Variants in INA observed in about 807,000 individuals in gnomAD.
INA encodes the protein alpha-internexin.
INA carries 35 observed loss-of-function variants against 40.1 expected under a neutral mutation model. The observed-to-expected ratio is 0.87, with a 90% CI of 0.67 to 1.16. INA has a LOEUF of 1.16. Ranked by LOEUF, INA falls within the 50% of genes most tolerant of loss-of-function variation. The pLI, the probability that INA is intolerant of heterozygous loss-of-function variation, is 0.00. For synonymous variants in INA, 290 were observed against 316.9 expected, an observed-to-expected ratio of 0.92 and a Z score of 0.90; for missense variants, 594 against 686.7, an observed-to-expected ratio of 0.87 and a Z score of 1.51.
At position 103,287,134 on chromosome 10, in the gene INA, C is replaced by G. The variant is rs767495429; in HGVS notation, c.1165C>G (p.Leu389Val). The G allele has an allele frequency of 1.2e-6, 2 of 1,613,564 alleles. No individual in the cohort carries two copies. The highest frequency in any genetic ancestry group is 2.7e-5 in the African/African-American group (2 of 74,898). The change falls in exon 2 of 3, where the codon CTT becomes GTT. Residue 389 changes from leucine to valine, a missense_variant. Coordinates refer to ENST00000369849, the MANE Select transcript of INA (RefSeq NM_032727.4). ...GGACTTGCTCAATGTCAAAATGGCT[C>G]TTGACATTGAGATAGCAGCTTACAG... ...YQDLLNVKMA[L>V]DIEIAAYRKL...
In INA at chr10:103,288,709, A is replaced by G. The variant is rs560850042; in HGVS notation, c.*40A>G. On this transcript the variant is annotated 3_prime_UTR_variant, in exon 3 of 3. Transcript: ENST00000369849. The stretch of plus-strand genomic sequence containing the variant: ...AAAAGTTAATGCTTAAGAGGGAATG[A>G]TATGCATTTGACTTGTTAAACAGCC... 1.5e-6 allele frequency: 2 copies of G among 1,332,836 alleles called. No homozygotes were observed. The highest frequency in any genetic ancestry group is 2.9e-5 in the South Asian group (2 of 69,950). The allele number at this position is 1,332,836 out of a possible 1,614,324, so 82.6% of individuals were successfully genotyped here.
intron 1 of INA, chr10:103,279,976 G>A: frequency 7.8e-7 from 1 of 1,288,550 alleles, no homozygotes; most frequent in Non-Finnish European, 1.0e-6. Context: ...GTCTTCTGGA[G>A]GGCTAGCCCA....
In INA at chr10:103,278,395, C is replaced by T; in HGVS notation, c.1065+119C>T. Reference sequence around the variant, plus strand: ...GAGGGCAAAAGAGAGGAGAGAAGAGCCGCGGCTGGAGGCGCTGGTTAACAA... The same window carrying T: ...GAGGGCAAAAGAGAGGAGAGAAGAGTCGCGGCTGGAGGCGCTGGTTAACAA... On this transcript the variant is annotated intron_variant, in intron 1 of 2. Transcript: ENST00000369849. The surrounding 1 kb of genome is among the most constrained non-coding windows in gnomAD (Gnocchi z 4.9). The T allele has an allele frequency of 1.2e-6, 1 of 831,740 alleles. No individual in the cohort carries two copies. Among genetic ancestry groups the T allele is most frequent in the Non-Finnish European group, 1.8e-6 (1 of 551,534 alleles). 51.5% of individuals were successfully genotyped at this position (831,740 alleles called of 1,614,324 possible).
rs925313397 is a variant in INA at position 103,289,411 on chromosome 10, G to C, written c.*742G>C. On this transcript the variant is annotated 3_prime_UTR_variant, in exon 3 of 3. Transcript: ENST00000369849. ...AAAAATGGCAGTGATGAATTTTAAGGGTTTCCCCCAACATATAAAATAATG... is the reference window on the plus strand; with the variant it reads ...AAAAATGGCAGTGATGAATTTTAAGCGTTTCCCCCAACATATAAAATAATG... The C allele has an allele frequency of 1.3e-5, 2 of 152,504 alleles. No homozygotes were observed. The highest frequency in any genetic ancestry group is 4.8e-5 in the African/African-American group (2 of 41,408). The allele number at this position is 152,504 out of a possible 1,614,324, so 9.4% of individuals were successfully genotyped here. A position where few individuals can be genotyped will look rare whatever the true frequency, so the allele number is the denominator to read the frequency against.
rs376502125 is a variant in INA, at chr10:103,278,180, C to T, written c.969C>T (p.Thr323=). 4.0e-5 allele frequency: 64 copies of T among 1,610,686 alleles called. No individual in the cohort carries two copies. The African/African-American group carries it at 6.9e-4, about 17-fold the overall frequency. The stretch of plus-strand genomic sequence containing the variant: ...ATCGGCGCCAGCTGCAGGCGCGCAC[C>T]ATCGAGATCGAGGGCCTGCGCGGGG... ...HEYRRQLQAR[T]IEIEGLRGAN... Residue 323 remains threonine, a synonymous_variant, in exon 1 of 3, where the codon ACC becomes ACT. Transcript: ENST00000369849. The surrounding 1 kb of genome is among the most constrained non-coding windows in gnomAD (Gnocchi z 4.9).
At chr10:103,288,238 A>G (rs1564716211) in intron 2 of INA, 122 bp from the exon 3 acceptor site, 3 of 886,528 alleles carry the variant, frequency 3.4e-6, no homozygotes, top group African/African-American at 1.7e-5. Context: ...ATTGGTTTCA[A>G]TCTCATGAAG....
In INA at chr10:103,278,360, G is replaced by T; in HGVS notation, c.1065+84G>T. The T allele has an allele frequency of 8.6e-7, 1 of 1,156,174 alleles. No homozygotes were observed. Among genetic ancestry groups the T allele is most frequent in the Non-Finnish European group, 1.2e-6 (1 of 837,770 alleles). The allele number at this position is 1,156,174 out of a possible 1,614,324, so 71.6% of individuals were successfully genotyped here. ...TTCCTCTGGTAAAACTGGGCCCCAG[G>T]ACTTAAGGGGAGGGCAAAAGAGAGG... is the stretch of plus-strand genomic sequence containing the variant. On this transcript the variant is annotated intron_variant, in intron 1 of 2. Transcript: ENST00000369849. The surrounding 1 kb of genome is among the most constrained non-coding windows in gnomAD (Gnocchi z 4.9).
intron 1 of INA, among the ~76,000 whole-genome samples, chr10:103,283,555 T>C (rs910647623): frequency 6.6e-6 from 1 of 152,176 alleles, no homozygotes; most frequent in Non-Finnish European, 1.5e-5. Context: ...AGTATTCCTG[T>C]CAATATTTAT....
chr10:103,277,230 C>A lies in INA; in HGVS notation c.19C>A (p.His7Asn). MSFGSE[H>N]YLCSSSSYRK... ...CGGCACCATGAGCTTCGGCTCGGAG[C>A]ACTACCTGTGCTCCTCCTCCTCCTA... The change falls in exon 1 of 3, where the codon CAC becomes AAC. Residue 7 changes from histidine (H) to asparagine (N), a missense_variant. His to Asn is a moderately conservative substitution (Grantham distance 68). Coordinates refer to ENST00000369849, the MANE Select transcript of INA (RefSeq NM_032727.4). The surrounding 1 kb of genome is among the most constrained non-coding windows in gnomAD (Gnocchi z 5.6). 6.3e-7 allele frequency: 1 copy of A among 1,586,374 alleles called. No individual in the cohort carries two copies.
chr10:103,289,263 A>G lies in INA; in HGVS notation c.*594A>G, dbSNP rs1397704238. 1.3e-5 allele frequency: 2 copies of G among 152,662 alleles called. No homozygotes were observed. Among genetic ancestry groups the G allele is most frequent in the Admixed American group, 6.5e-5 (1 of 15,272 alleles). 9.5% of individuals were successfully genotyped at this position (152,662 alleles called of 1,614,324 possible). ...TTTAAACACATTTTGGTTCTTCTCA[A>G]AAGAACTTACCCCCATTCGCGCTCT... On this transcript the variant is annotated 3_prime_UTR_variant, in exon 3 of 3. Coordinates refer to ENST00000369849, the MANE Select transcript of INA (RefSeq NM_032727.4).
intron 2 of INA, among the ~76,000 whole-genome samples, chr10:103,287,844 A>T (rs1385566254): frequency 6.6e-6 from 1 of 151,672 alleles, no homozygotes; most frequent in Non-Finnish European, 1.5e-5. Context: ...AAAATCTGTT[A>T]TCTGAAACAG....
chr10:103,288,785 C>T lies in INA; in HGVS notation c.*116C>T. The T allele has an allele frequency of 2.9e-6, 2 of 683,754 alleles. No homozygotes were observed. The highest frequency in any genetic ancestry group is 4.9e-6 in the Non-Finnish European group (2 of 407,666). The allele number at this position is 683,754 out of a possible 1,614,324, so 42.4% of individuals were successfully genotyped here. A position where few individuals can be genotyped will look rare whatever the true frequency, so the allele number is the denominator to read the frequency against. Reference sequence around the variant, plus strand: ...CCACTATAAAATGTCTTCAAGGCTTCAGTCTCATATTTAGTATTGAATACT... The same window carrying T: ...CCACTATAAAATGTCTTCAAGGCTTTAGTCTCATATTTAGTATTGAATACT... On this transcript the variant is annotated 3_prime_UTR_variant, in exon 3 of 3. Coordinates refer to ENST00000369849, the MANE Select transcript of INA (RefSeq NM_032727.4).
At chr10:103,280,716 G>A (rs1425416926) in intron 1 of INA, 17 of 985,460 alleles carry the variant, frequency 1.7e-5, no homozygotes, top group Non-Finnish European at 1.9e-5. Context: ...GTACACAATA[G>A]TGGATGAGAG....
At position 103,277,292 on chromosome 10, in the gene INA, C is replaced by T. The variant is rs771781429; in HGVS notation, c.81C>T (p.Ala27=). ...TCGGGGATGGCTCTCGCCTGTCCGCCCGCCTCTCTGGGGCCGGCGGCGCGG... is the reference window on the plus strand; with the variant it reads ...TCGGGGATGGCTCTCGCCTGTCCGCTCGCCTCTCTGGGGCCGGCGGCGCGG... ...KVFGDGSRLS[A]RLSGAGGAGG... The change falls in exon 1 of 3, where the codon GCC becomes GCT. Residue 27 remains alanine, a synonymous_variant. Coordinates refer to ENST00000369849, the MANE Select transcript of INA (RefSeq NM_032727.4). This position sits in a 1 kb window ranked among gnomAD's most constrained non-coding sequence, Gnocchi z 5.6. The T allele has an allele frequency of 7.5e-6, 12 of 1,590,764 alleles. No homozygotes were observed. Among genetic ancestry groups the T allele is most frequent in the Middle Eastern group, 1.7e-4 (1 of 5,856 alleles).
intron 2 of INA, 124 bp from the exon 3 acceptor site, chr10:103,288,235 TC>T: frequency 1.2e-6 from 1 of 865,578 alleles, no homozygotes; most frequent in African/African-American, 1.7e-5. Flanking sequence ...TTTATTGGTT[TC>T]AATCTCATGA....
intron 1 of INA, chr10:103,280,591 G>T (rs1434649516): frequency 1.0e-6 from 1 of 985,346 alleles, no homozygotes; most frequent in African/African-American, 1.7e-5. Flanking sequence ...TGAAACATAG[G>T]AAGGCCCCAT....
intron 2 of INA, 33 bp from the exon 3 acceptor site, chr10:103,288,327 C>A: frequency 6.5e-7 from 1 of 1,549,328 alleles, no homozygotes; most frequent in African/African-American, 1.4e-5. Context: ...AAGTTATTGA[C>A]TTCCTAAGAG....
intron 1 of INA, chr10:103,280,858 A>G (rs527743640): frequency 7.1e-6 from 7 of 985,406 alleles, no homozygotes; most frequent in Middle Eastern, 5.2e-4. Flanking sequence ...TGGTGCCTAC[A>G]TAGCCACTTC....
At chr10:103,287,005 C>T in intron 1 of INA, 30 bp from the exon 2 acceptor site, 1 of 1,608,782 alleles carries the variant, frequency 6.2e-7, no homozygotes, top group East Asian at 2.2e-5. Context: ...GCTGGTTTGG[C>T]CTAACTATTT....
Sources: allele counts gnomAD v4.1 joint callset (sites outside exome capture counted in the v4.1 genomes callset), GRCh38; gene constraint gnomAD v4.1.1; non-coding constraint Gnocchi (gnomAD v3.1); transcripts MANE v1.5; gene names NCBI Gene and HGNC (gene_info 2026-07-23, HGNC 2026-07-21).